The following CPEB1 variants were observed in gnomAD, a reference collection of about 807,000 sequenced individuals.
The protein encoded by CPEB1 is cytoplasmic polyadenylation element-binding protein 1.
CPEB1 carries 7 observed loss-of-function variants against 65.8 expected under a neutral mutation model. The observed-to-expected ratio is 0.11, with a 90% CI of 0.06 to 0.20. CPEB1 has a LOEUF of 0.20. CPEB1 is among the 10% of genes least tolerant of loss of function. The pLI is 1.00. For missense variants in CPEB1, 551 were observed against 712.2 expected (o/e 0.77, Z 2.58); for synonymous variants, 262 against 260.0 (o/e 1.01, Z -0.08).
chr15:82,587,698 C>A (rs2041910946), intron 3 of CPEB1, among the ~76,000 whole-genome samples: 1 of 152,104 alleles, frequency 6.6e-6, no homozygotes, highest in Non-Finnish European at 1.5e-5. Flanking sequence ...AAATTAAAAT[C>A]TAGGTATGGC....
chr15:82,581,818 G>A (rs906204884), intron 3 of CPEB1, among the ~76,000 whole-genome samples: 1 of 152,116 alleles, frequency 6.6e-6, no homozygotes, highest in Non-Finnish European at 1.5e-5. Context: ...TAAAGACAAT[G>A]GCATCTTCTT....
chr15:82,580,924 T>C (rs548145802), intron 3 of CPEB1, among the ~76,000 whole-genome samples: 1 of 151,554 alleles, frequency 6.6e-6, no homozygotes, highest in East Asian at 1.9e-4. Context: ...CAATAATGGC[T>C]CACTACAGCC....
intron 3 of CPEB1, among the ~76,000 whole-genome samples, chr15:82,625,860 T>G (rs1185237411): frequency 6.6e-6 from 1 of 152,222 alleles, no homozygotes; most frequent in African/African-American, 2.4e-5. Context: ...GGCTCGTGCC[T>G]GTAATCCCAG....
chr15:82,593,413 C>A (rs1269622721), intron 3 of CPEB1, among the ~76,000 whole-genome samples: 1 of 152,180 alleles, frequency 6.6e-6, no homozygotes, highest in Admixed American at 6.5e-5. Context: ...CAATTCATCC[C>A]AAGTTTTATC....
chr15:82,556,965 A>G (rs1187015827), intron 5 of CPEB1, among the ~76,000 whole-genome samples: 1 of 152,216 alleles, frequency 6.6e-6, no homozygotes, highest in Non-Finnish European at 1.5e-5. Flanking sequence ...AAGTAATTCT[A>G]TTCACTGCAC....
At chr15:82,602,720 C>A (rs1259139247) in intron 3 of CPEB1, among the ~76,000 whole-genome samples, 1 of 152,062 alleles carries the variant, frequency 6.6e-6, no homozygotes, top group Non-Finnish European at 1.5e-5. Context: ...GTGGCAAGTG[C>A]CTGTAATCCC....
At chr15:82,646,959 T>G (rs1955036360) in intron 1 of CPEB1, 178 bp downstream of exon 1, 1 of 152,512 alleles carries the variant, frequency 6.6e-6, no homozygotes, top group Admixed American at 6.5e-5. Context: ...CCCCTGAGTC[T>G]GGGCACCTGG....
At chr15:82,576,909 C>T (rs2040708828) in intron 3 of CPEB1, among the ~76,000 whole-genome samples, 1 of 152,112 alleles carries the variant, frequency 6.6e-6, no homozygotes, top group Non-Finnish European at 1.5e-5. Flanking sequence ...CTTGTAGTCA[C>T]AGCTACTTGG....
chr15:82,573,191 G>A (rs1232340311), intron 3 of CPEB1: 2 of 1,524,118 alleles, frequency 1.3e-6, no homozygotes, highest in South Asian at 1.2e-5. Context: ...AGGCACTCAG[G>A]CATAGCCTAG....
intron 4 of CPEB1, among the ~76,000 whole-genome samples, chr15:82,566,443 G>C (rs1417754279): frequency 6.6e-6 from 1 of 152,128 alleles, no homozygotes; most frequent in East Asian, 1.9e-4. Flanking sequence ...AGGAAGGGGG[G>C]AGAGTAGCAT....
intron 4 of CPEB1, among the ~76,000 whole-genome samples, chr15:82,568,680 T>C (rs563449893): frequency 6.6e-6 from 1 of 152,336 alleles, no homozygotes; most frequent in South Asian, 2.1e-4. Context: ...GAAAGGTTGT[T>C]ACAATGAAGA....
At chr15:82,602,507 C>CCA (rs1042302953) in intron 3 of CPEB1, among the ~76,000 whole-genome samples, 58 of 152,178 alleles carry the variant, frequency 3.8e-4, no homozygotes, top group African/African-American at 1.3e-3. Flanking sequence ...TATGATTGTG[C>CCA]CACTACCTTA....
intron 4 of CPEB1, among the ~76,000 whole-genome samples, chr15:82,567,556 A>T (rs558370737): frequency 2.0e-4 from 31 of 152,080 alleles, no homozygotes; most frequent in Non-Finnish European, 3.1e-4. Context: ...GGATTGCTTG[A>T]ACCCGGGAGG....
chr15:82,570,495 T>G (rs1464928685), intron 4 of CPEB1, among the ~76,000 whole-genome samples: 1 of 152,084 alleles, frequency 6.6e-6, no homozygotes, highest in Non-Finnish European at 1.5e-5. Flanking sequence ...CTGTAGTGTT[T>G]AAGTTCACAT....
intron 6 of CPEB1, 123 bp downstream of exon 6, chr15:82,555,747 C>T: frequency 1.0e-6 from 1 of 977,818 alleles, no homozygotes; most frequent in Non-Finnish European, 1.5e-6. Flanking sequence ...CTTTGCAGAT[C>T]TGGAGACTTC....
In CPEB1 at chr15:82,556,093, G is replaced by A. The variant is rs1409243920; in HGVS notation, c.717C>T (p.Pro239=). Residue 239 remains proline (P), a synonymous_variant, in exon 6 of 13, where the codon CCC becomes CCT. Transcript: ENST00000684509. ...GACCACCCCCTGACAGAGACAGGAAGGGCAGAGGTGGAGAAATGCGAAGGC... is the reference window on the plus strand; with the variant it reads ...GACCACCCCCTGACAGAGACAGGAAAGGCAGAGGTGGAGAAATGCGAAGGC... ...ISSLRISPPL[P]FLSLSGGGPR... is the part of the protein sequence containing the mutation. The A allele has an allele frequency of 3.7e-6, 6 of 1,608,500 alleles. No homozygotes were observed. The highest frequency in any genetic ancestry group is 2.2e-5 in the East Asian group (1 of 44,686).
In CPEB1 at chr15:82,630,094, T is replaced by TAAGATGC. The variant is rs1019484193; in HGVS notation, c.-97-1545_-97-1539dup. 4.1e-6 allele frequency: 4 copies of TAAGATGC among 985,308 alleles called. No individual in the cohort carries two copies. The Admixed American group carries it at 2.5e-4, about 61-fold the overall frequency. The allele number at this position is 985,308 out of a possible 1,614,324, so 61.0% of individuals were successfully genotyped here. A position where few individuals can be genotyped will look rare whatever the true frequency, so the allele number is the denominator to read the frequency against. ...TTCAGGAAGGCAACTTCATGAAGGC[T>TAAGATGC]AAGATGCAAAGATTTATAACCTGCA... is the stretch of plus-strand genomic sequence containing the variant. On this transcript the variant is annotated intron_variant, in intron 1 of 12. Coordinates refer to ENST00000684509, the MANE Select transcript of CPEB1 (RefSeq NM_001365242.1).
At chr15:82,553,383 T>C in intron 8 of CPEB1, 84 bp downstream of exon 8, 4 of 1,024,954 alleles carry the variant, frequency 3.9e-6, no homozygotes, top group Non-Finnish European at 6.1e-6. Context: ...AGCTGTGACA[T>C]CCCAGCACCC....
chr15:82,597,705 G>C (rs529951044), intron 3 of CPEB1, among the ~76,000 whole-genome samples: 1 of 152,048 alleles, frequency 6.6e-6, no homozygotes, highest in African/African-American at 2.4e-5. Context: ...TTTTCAGGGG[G>C]AATTGGGTTT....
Sources: allele counts gnomAD v4.1 joint callset (sites outside exome capture counted in the v4.1 genomes callset), GRCh38; gene constraint gnomAD v4.1.1; transcripts MANE v1.5; gene names NCBI Gene and HGNC (gene_info 2026-07-23, HGNC 2026-07-21).